Variants in FSIP2 observed in about 807,000 individuals in gnomAD.
The protein encoded by FSIP2 is fibrous sheath interacting protein 2.
Under a neutral mutation model 510.5 loss-of-function variants are expected in FSIP2, and 367 were observed. The ratio of observed to expected loss-of-function variants is 0.72; its 90% CI spans 0.66 to 0.78. The LOEUF (loss-of-function observed/expected upper bound fraction) is 0.78. Among genes scored for constraint, FSIP2 ranks in the 30% least tolerant of loss-of-function variants. FSIP2 has a pLI of 0.00. For missense variants in FSIP2, 7,594 were observed against 7,901.7 expected (o/e 0.96, Z 1.48); for synonymous variants, 2,601 against 2,732.2 (o/e 0.95, Z 1.50).
intron 17 of FSIP2, among the ~76,000 whole-genome samples, chr2:185,811,805 A>G (rs1211193033): frequency 2.0e-5 from 3 of 152,100 alleles, no homozygotes; most frequent in Non-Finnish European, 4.4e-5. Flanking sequence ...GGGCCCAGTT[A>G]CAGCTTGGGC....
chr2:185,802,990 G>T lies in FSIP2; in HGVS notation c.13684G>T (p.Val4562Leu), dbSNP rs1353401993. The T allele has an allele frequency of 6.5e-7, 1 of 1,530,996 alleles. No homozygotes were observed. The highest frequency in any genetic ancestry group is 1.4e-5 in the African/African-American group (1 of 72,806). The allele number at this position is 1,530,996 out of a possible 1,614,324, so 94.8% of individuals were successfully genotyped here. The change falls in exon 17 of 23, where the codon GTG (valine) becomes TTG (leucine). Residue 4562 changes from valine to leucine, a missense_variant. Coordinates refer to ENST00000424728, the MANE Select transcript of FSIP2 (RefSeq NM_173651.4). ...VQTSGSQESA[V>L]QNITSSNDIL... is the part of the protein sequence containing the mutation. Reference sequence around the variant, plus strand: ...AACCTCTGGTTCTCAAGAATCAGCTGTGCAAAATATCACAAGCAGTAATGA... The same window carrying T: ...AACCTCTGGTTCTCAAGAATCAGCTTTGCAAAATATCACAAGCAGTAATGA...
In FSIP2 at chr2:185,801,509, C is replaced by T. The variant is rs753360402; in HGVS notation, c.12203C>T (p.Pro4068Leu). 47 of 1,533,016 alleles carry T rather than the reference C, an allele frequency of 3.1e-5. No individual in the cohort carries two copies. The South Asian group carries it at 4.3e-4, about 14-fold the overall frequency. 95.0% of individuals were successfully genotyped at this position (1,533,016 alleles called of 1,614,324 possible). Residue 4068 changes from proline (P) to leucine (L), a missense_variant, in exon 17 of 23, where the codon CCG becomes CTG. By Grantham distance (98) the Pro-to-Leu change is moderately conservative. Coordinates refer to ENST00000424728, the MANE Select transcript of FSIP2 (RefSeq NM_173651.4). ...YELKVACGNN[P>L]VYDNASIAEQ... ...TTAAAAGTGGCCTGTGGTAATAATC[C>T]GGTATACGACAATGCCTCAATAGCA...
chr2:185,806,695 C>T lies in FSIP2; in HGVS notation c.17389C>T (p.Gln5797Ter), dbSNP rs776179183. Reference sequence around the variant, plus strand: ...AGATGTTATTACTGAGATGGTTAAACAATTGATCTTTTCTTCTATACCAGA... The same window carrying T: ...AGATGTTATTACTGAGATGGTTAAATAATTGATCTTTTCTTCTATACCAGA... Reference protein sequence around the residue: ...LEDVITEMVKQLIFSSIPETQ... With the variant: ...LEDVITEMVK Residue 5797 changes from glutamine (Q) to a stop codon, truncating the protein, a stop_gained, in exon 17 of 23, where the codon CAA (glutamine) becomes TAA (stop). Coordinates refer to ENST00000424728, the MANE Select transcript of FSIP2 (RefSeq NM_173651.4). LOFTEE classifies it high-confidence loss of function. 2.5e-6 allele frequency: 4 copies of T among 1,602,756 alleles called. No homozygotes were observed. Among genetic ancestry groups the T allele is most frequent in the Non-Finnish European group, 2.6e-6 (3 of 1,176,126 alleles).
In FSIP2 at chr2:185,789,717, A is replaced by G. The variant is rs1232586421; in HGVS notation, c.2581A>G (p.Ile861Val). The change falls in exon 16 of 23, where the codon ATA becomes GTA. Residue 861 changes from isoleucine (I) to valine (V), a missense_variant. Ile to Val is a conservative substitution (Grantham distance 29). Coordinates refer to ENST00000424728, the MANE Select transcript of FSIP2 (RefSeq NM_173651.4). Reference protein sequence around the residue: ...LSCQQHKTDPICMFLQRAGKN... With the variant: ...LSCQQHKTDPVCMFLQRAGKN... Reference sequence around the variant, plus strand: ...CTGCCAGCAACATAAGACAGACCCAATATGTATGTTCCTTCAAAGAGCTGG... The same window carrying G: ...CTGCCAGCAACATAAGACAGACCCAGTATGTATGTTCCTTCAAAGAGCTGG... 6.5e-7 allele frequency: 1 copy of G among 1,534,428 alleles called. No individual in the cohort carries two copies. The highest frequency in any genetic ancestry group is 2.0e-5 in the Admixed American group (1 of 50,858).
At chr2:185,776,123 T>C (rs940656526) in intron 13 of FSIP2, among the ~76,000 whole-genome samples, 1 of 151,988 alleles carries the variant, frequency 6.6e-6, no homozygotes, top group Non-Finnish European at 1.5e-5. Context: ...TACAAAAACT[T>C]AGCCAGGCAT....
intron 2 of FSIP2, among the ~76,000 whole-genome samples, chr2:185,742,774 G>C (rs546510389): frequency 1.3e-5 from 2 of 151,762 alleles, no homozygotes; most frequent in African/African-American, 2.4e-5. Flanking sequence ...ATTTTGATTC[G>C]AGAGAGGGAG....
chr2:185,758,347 A>C (rs1692284535), intron 9 of FSIP2, among the ~76,000 whole-genome samples: 1 of 151,160 alleles, frequency 6.6e-6, no homozygotes, highest in South Asian at 2.1e-4. Flanking sequence ...GCACAGTAAA[A>C]AAAAACTACA....
chr2:185,821,153 A>G (rs1693911885), intron 19 of FSIP2, among the ~76,000 whole-genome samples: 1 of 151,902 alleles, frequency 6.6e-6, no homozygotes, highest in South Asian at 2.1e-4. Context: ...AAAGGATTAT[A>G]AGAGGGTACT....
rs762635982 is a variant in FSIP2, at chr2:185,788,928, C to A, written c.1792C>A (p.Pro598Thr). 3 of 1,535,014 alleles carry A rather than the reference C, an allele frequency of 2.0e-6. No individual in the cohort carries two copies. Among genetic ancestry groups the A allele is most frequent in the Non-Finnish European group, 2.6e-6 (3 of 1,146,036 alleles). ...VDTSVRRPTT[P>T]IKPPPAHVEK... ...CACGTCAGTAAGGAGACCAACCACA[C>A]CTATAAAACCTCCTCCTGCACATGT... The change falls in exon 16 of 23, where the codon CCT (proline) becomes ACT (threonine). Residue 598 changes from proline (P) to threonine (T), a missense_variant. Transcript: ENST00000424728.
chr2:185,830,706 A>G, intron 21 of FSIP2, among the ~76,000 whole-genome samples: 1 of 151,848 alleles, frequency 6.6e-6, no homozygotes, highest in Non-Finnish European at 1.5e-5. Flanking sequence ...TATTTTTCAT[A>G]TATTTTTGAT....
At chr2:185,778,441 A>G (rs1046247803) in intron 13 of FSIP2, among the ~76,000 whole-genome samples, 1 of 151,948 alleles carries the variant, frequency 6.6e-6, no homozygotes, top group South Asian at 2.1e-4. Context: ...TTGCAATATA[A>G]TATTTCATTT....
chr2:185,796,287 G>A lies in FSIP2; in HGVS notation c.9151G>A (p.Asp3051Asn). 2.0e-6 allele frequency: 3 copies of A among 1,533,254 alleles called. No homozygotes were observed. The highest frequency in any genetic ancestry group is 2.6e-6 in the Non-Finnish European group (3 of 1,145,270). The allele number at this position is 1,533,254 out of a possible 1,614,324, so 95.0% of individuals were successfully genotyped here. A position where few individuals can be genotyped will look rare whatever the true frequency, so the allele number is the denominator to read the frequency against. ...ATTACAACCACTGAAAATGTTTTCT[G>A]ATAAATCCGAGTCAAATACTATTAA... The part of the protein sequence containing the change: ...PKLQPLKMFS[D>N]KSESNTINFK... The change falls in exon 16 of 23, where the codon GAT (aspartate) becomes AAT (asparagine). Residue 3051 changes from aspartate (D) to asparagine (N), a missense_variant. Transcript: ENST00000424728.
At chr2:185,740,199 C>T (rs1035700249) in intron 2 of FSIP2, among the ~76,000 whole-genome samples, 2 of 152,196 alleles carry the variant, frequency 1.3e-5, no homozygotes, top group African/African-American at 4.8e-5. Flanking sequence ...GTCTATGAAT[C>T]TGAGCTATCA....
Position 185,801,270 on chromosome 2 carries a change from T to G in FSIP2, c.11964T>G (p.Ser3988=). 1 of 1,533,884 alleles carries G rather than the reference T, an allele frequency of 6.5e-7. No homozygotes were observed. Among genetic ancestry groups the G allele is most frequent in the Non-Finnish European group, 8.7e-7 (1 of 1,145,414 alleles). Residue 3988 remains serine (S), a synonymous_variant, in exon 17 of 23, where the codon TCT becomes TCG. Coordinates refer to ENST00000424728, the MANE Select transcript of FSIP2 (RefSeq NM_173651.4). ...GIISELFFNL[S]MSLWGKNKNI... is the part of the protein sequence containing the mutation. ...TTTCAGAATTGTTTTTTAATCTCTCTATGTCATTGTGGGGCAAAAATAAAA... is the reference window on the plus strand; with the variant it reads ...TTTCAGAATTGTTTTTTAATCTCTCGATGTCATTGTGGGGCAAAAATAAAA...
At chr2:185,760,961 T>C (rs1452255718) in intron 9 of FSIP2, 27 bp from the exon 10 acceptor site, 2 of 870,230 alleles carry the variant, frequency 2.3e-6, no homozygotes, top group Non-Finnish European at 1.7e-6. Flanking sequence ...AAAAAAACTA[T>C]AGAGTTTCTC....
chr2:185,745,392 G>A, intron 4 of FSIP2, 37 bp from the exon 5 acceptor site: 1 of 1,269,620 alleles, frequency 7.9e-7, no homozygotes, highest in Non-Finnish European at 1.1e-6. Flanking sequence ...AATGTAAAAA[G>A]CATTATATAT....
chr2:185,742,284 G>A (rs1691938962), intron 2 of FSIP2, among the ~76,000 whole-genome samples: 1 of 152,112 alleles, frequency 6.6e-6, no homozygotes, highest in South Asian at 2.1e-4. Context: ...TTGAAAAACT[G>A]AGAACTCACA....
At chr2:185,817,443 C>G (rs532279372) in intron 19 of FSIP2, among the ~76,000 whole-genome samples, 1 of 152,042 alleles carries the variant, frequency 6.6e-6, no homozygotes, top group African/African-American at 2.4e-5. Flanking sequence ...GGAAGTGACT[C>G]TTTGGGAAAT....
In FSIP2 at chr2:185,813,808, A is replaced by T; in HGVS notation, c.20091A>T (p.Lys6697Asn). 6.2e-7 allele frequency: 1 copy of T among 1,613,486 alleles called. No individual in the cohort carries two copies. The highest frequency in any genetic ancestry group is 8.5e-7 in the Non-Finnish European group (1 of 1,179,768). ...AAGTCAAGAAGCCAATACAAAGCAAACTTTCTCCTAAGTCAACACTAAGCA... is the reference window on the plus strand; with the variant it reads ...AAGTCAAGAAGCCAATACAAAGCAATCTTTCTCCTAAGTCAACACTAAGCA... The part of the protein sequence containing the change: ...VKEVKKPIQS[K>N]LSPKSTLSTS... Residue 6697 changes from lysine to asparagine, a missense_variant, in exon 18 of 23, where the codon AAA (lysine) becomes AAT (asparagine). Lys to Asn is a moderately conservative substitution (Grantham distance 94, BLOSUM62 0). Transcript: ENST00000424728.
Sources: gnomAD v4.1 joint callset for allele counts (sites outside exome capture counted in the v4.1 genomes callset) on GRCh38, gnomAD v4.1.1 for gene constraint, MANE v1.5 for transcripts, NCBI Gene and HGNC (gene_info 2026-07-23, HGNC 2026-07-21) for gene names.